The following EML6 variants were observed in gnomAD, a reference collection of about 807,000 sequenced individuals.
The protein encoded by EML6 is EMAP like 6.
In EML6, 154 loss-of-function variants were observed where a neutral mutation model predicts 240.1. The observed-to-expected ratio is 0.64, with a 90% CI of 0.56 to 0.73. The LOEUF (loss-of-function observed/expected upper bound fraction) is 0.73, where lower values mean the gene tolerates loss of function less well. Ranked by LOEUF, EML6 falls within the 30% of genes least tolerant of loss-of-function variation. The pLI, the probability that EML6 is intolerant of heterozygous loss-of-function variation, is 0.00. For missense variants in EML6, 2,964 were observed against 2,474.6 expected, an observed-to-expected ratio of 1.20 and a Z score of -4.20; for synonymous variants, 1,148 against 899.0, an observed-to-expected ratio of 1.28 and a Z score of -4.95.
chr2:54,944,992 C>T lies in EML6; in HGVS notation c.4005-3890C>T, dbSNP rs77360704. ...GTTTCTCGCCCCTCCCTTTCTCCCTCCCCTCCCCCATCCATTCCTCCCTAC... is the reference window on the plus strand; with the variant it reads ...GTTTCTCGCCCCTCCCTTTCTCCCTTCCCTCCCCCATCCATTCCTCCCTAC... On this transcript the variant is annotated intron_variant, in intron 28 of 41. Coordinates refer to ENST00000356458, the MANE Select transcript of EML6 (RefSeq NM_001039753.4). Among the ~76,000 whole-genome samples the T allele has an allele frequency of 2.2e-3, 318 of 143,318 alleles. 4 individuals are homozygous for T. The highest frequency in any genetic ancestry group is 7.7e-3 in the African/African-American group (294 of 38,222). The allele number at this position is 143,318 out of a possible 152,430, so 94.0% of individuals were successfully genotyped here.
intron 2 of EML6, among the ~76,000 whole-genome samples, chr2:54,785,092 T>G (rs1669018948): frequency 6.6e-6 from 1 of 152,084 alleles, no homozygotes. Context: ...CAGTGTTATT[T>G]CAGGTTTATA....
intron 32 of EML6, among the ~76,000 whole-genome samples, chr2:54,954,532 C>A (rs76918451): frequency 0.03 from 4,559 of 152,372 alleles, 85 homozygotes; most frequent in South Asian, 0.036. Flanking sequence ...GATCCTACTA[C>A]AGCCCTATCA....
intron 8 of EML6, 98 bp from the exon 9 acceptor site, chr2:54,847,388 G>C: frequency 7.8e-7 from 1 of 1,282,216 alleles, no homozygotes; most frequent in Non-Finnish European, 1.1e-6. Context: ...GTCTTTTCTT[G>C]TTACTGTTGG....
At chr2:54,815,751 A>G (rs1377296787) in intron 3 of EML6, among the ~76,000 whole-genome samples, 2 of 152,248 alleles carry the variant, frequency 1.3e-5, no homozygotes, top group African/African-American at 4.8e-5. Flanking sequence ...TAGTGAAGAA[A>G]GCTGAAGAAT....
chr2:54,887,589 C>T (rs537064022), intron 17 of EML6, among the ~76,000 whole-genome samples: 1 of 152,272 alleles, frequency 6.6e-6, no homozygotes, highest in East Asian at 1.9e-4. Context: ...TGCCCATTCT[C>T]ACATTAAAAA....
intron 28 of EML6, among the ~76,000 whole-genome samples, chr2:54,945,887 C>T (rs953219951): frequency 6.6e-6 from 1 of 152,230 alleles, no homozygotes; most frequent in Non-Finnish European, 1.5e-5. Flanking sequence ...AGGAATTGGC[C>T]TTCCCATGAT....
rs72795414 is a variant in EML6 at position 54,941,376 on chromosome 2, T to C, written c.4005-7506T>C. 8.6e-3 allele frequency among the ~76,000 whole-genome samples: 1,310 copies of C among 152,306 alleles called. 10 individuals carry two copies. The highest frequency in any genetic ancestry group is 0.014 in the Middle Eastern group (4 of 294). Reference sequence around the variant, plus strand: ...GGGAATTTCAAGCTCGCCTGAGGCATGATGAGCATGGTGAAGTGGCACAGT... The same window carrying C: ...GGGAATTTCAAGCTCGCCTGAGGCACGATGAGCATGGTGAAGTGGCACAGT... On this transcript the variant is annotated intron_variant, in intron 28 of 41. Coordinates refer to ENST00000356458, the MANE Select transcript of EML6 (RefSeq NM_001039753.4).
chr2:54,735,184 C>T (rs1410687406), intron 2 of EML6, among the ~76,000 whole-genome samples: 19 of 152,236 alleles, frequency 1.2e-4, no homozygotes, highest in Non-Finnish European at 1.5e-5. Flanking sequence ...ATCTTGTCCT[C>T]CTTTCTCTAT....
At chr2:54,918,970 A>G (rs1674076273) in intron 26 of EML6, among the ~76,000 whole-genome samples, 1 of 152,184 alleles carries the variant, frequency 6.6e-6, no homozygotes, top group African/African-American at 2.4e-5. Context: ...TACCTCATGA[A>G]TCAATATTTT....
intron 2 of EML6, among the ~76,000 whole-genome samples, chr2:54,747,982 C>G (rs1683993810): frequency 1.3e-5 from 2 of 152,064 alleles, no homozygotes; most frequent in South Asian, 4.1e-4. Context: ...AATTTTGTTA[C>G]AATTTATAGG....
At chr2:54,730,702 T>G (rs1428015069) in intron 2 of EML6, among the ~76,000 whole-genome samples, 1 of 152,234 alleles carries the variant, frequency 6.6e-6, no homozygotes, top group East Asian at 1.9e-4. Context: ...ATAATGATCT[T>G]CATAAATGAT....
At chr2:54,879,752 T>C in intron 17 of EML6, 112 bp downstream of exon 17, 1 of 707,148 alleles carries the variant, frequency 1.4e-6, no homozygotes, top group Non-Finnish European at 2.4e-6. Context: ...GAAATTGACG[T>C]AGAAGGCTTA....
At chr2:54,917,269 C>T (rs12996653) in intron 26 of EML6, among the ~76,000 whole-genome samples, 1,991 of 152,092 alleles carry the variant, frequency 0.013, 24 homozygotes, top group Non-Finnish European at 0.019. Context: ...TAATATCACA[C>T]AGCACCCCAA....
chr2:54,728,105 G>A (rs1278385338), intron 2 of EML6, among the ~76,000 whole-genome samples: 1 of 152,196 alleles, frequency 6.6e-6, no homozygotes, highest in Non-Finnish European at 1.5e-5. Flanking sequence ...ATTAGAAGAT[G>A]ATGCCATATT....
intron 24 of EML6, among the ~76,000 whole-genome samples, chr2:54,904,623 G>C (rs1198461187): frequency 6.6e-6 from 1 of 152,224 alleles, no homozygotes; most frequent in African/African-American, 2.4e-5. Context: ...TGAAGAAATA[G>C]AAGTGCTCAG....
At chr2:54,775,695 C>T (rs573884336) in intron 2 of EML6, among the ~76,000 whole-genome samples, 1 of 152,138 alleles carries the variant, frequency 6.6e-6, no homozygotes, top group South Asian at 2.1e-4. Context: ...AGGAGAGTGC[C>T]TGGCTTCAAG....
At chr2:54,885,055 G>A (rs1489434882) in intron 17 of EML6, among the ~76,000 whole-genome samples, 1 of 152,150 alleles carries the variant, frequency 6.6e-6, no homozygotes, top group African/African-American at 2.4e-5. Context: ...TGCTTGGGAG[G>A]CTGAGGCATG....
chr2:54,793,833 GCTGGAACTCC>G (rs551167072), intron 2 of EML6, among the ~76,000 whole-genome samples: 134 of 152,254 alleles, frequency 8.8e-4, no homozygotes, highest in African/African-American at 3.0e-3. Flanking sequence ...AGCTGTGATG[GCTGGAACTCC>G]CTGGAACTCC....
At chr2:54,821,488 A>G (rs1471472028) in intron 5 of EML6, among the ~76,000 whole-genome samples, 3 of 152,186 alleles carry the variant, frequency 2.0e-5, no homozygotes, top group Non-Finnish European at 4.4e-5. Flanking sequence ...GTAGAAATGC[A>G]GTTAAAATCC....
Sources: gnomAD v4.1 joint callset for allele counts (sites outside exome capture counted in the v4.1 genomes callset) on GRCh38, gnomAD v4.1.1 for gene constraint, MANE v1.5 for transcripts, NCBI Gene and HGNC (gene_info 2026-07-23, HGNC 2026-07-21) for gene names.